EME1: variants seen among roughly 807,000 people sequenced by gnomAD.
EME1 encodes structure-specific endonuclease subunit EME1.
EME1 carries 61 observed loss-of-function variants against 59.1 expected under a neutral mutation model. That is an observed-to-expected ratio of 1.03 (90% CI 0.84 to 1.28). The LOEUF is 1.28. Among genes scored for constraint, EME1 ranks in the 50% most tolerant of loss-of-function variants. EME1 has a pLI of 0.00. For synonymous variants in EME1, 230 were observed against 254.2 expected, an observed-to-expected ratio of 0.90 and a Z score of 0.90; for missense variants, 635 against 682.6, an observed-to-expected ratio of 0.93 and a Z score of 0.78.
chr17:50,375,600 C>G lies in EME1; in HGVS notation c.392C>G (p.Ala131Gly), dbSNP rs775266280. 1.3e-6 allele frequency: 2 copies of G among 1,587,596 alleles called. No individual in the cohort carries two copies. The highest frequency in any genetic ancestry group is 1.7e-6 in the Non-Finnish European group (2 of 1,172,364). ...SVLDHQNNEG[A>G]SCDWKKPFPK... The stretch of plus-strand genomic sequence containing the variant: ...TTGGATCATCAAAATAATGAAGGTG[C>G]ATCATGTGACTGGAAAAAGCCCTTT... The change falls in exon 2 of 9, where the codon GCA becomes GGA. Residue 131 changes from alanine (A) to glycine (G), a missense_variant. Coordinates refer to ENST00000338165, the MANE Select transcript of EME1 (RefSeq NM_152463.4).
rs943833959 is a variant in EME1 at position 50,379,201 on chromosome 17, G to A, written c.1207G>A (p.Val403Ile). 4 of 1,614,064 alleles carry A rather than the reference G, an allele frequency of 2.5e-6. No individual in the cohort carries two copies. The highest frequency in any genetic ancestry group is 1.3e-5 in the African/African-American group (1 of 74,930). The change falls in exon 6 of 9, where the codon GTA becomes ATA. Residue 403 changes from valine (V) to isoleucine (I), a missense_variant. Val to Ile is a conservative substitution (Grantham distance 29). Coordinates refer to ENST00000338165, the MANE Select transcript of EME1 (RefSeq NM_152463.4). ...ACCAGAGGCCAGCATAGGGTCCATG[G>A]TATCCAGGGTAGACGCTGAAGAGGT... ...RQPEASIGSM[V>I]SRVDAEEALV... is the part of the protein sequence containing the mutation.
chr17:50,379,194 G>A lies in EME1; in HGVS notation c.1200G>A (p.Gly400=), dbSNP rs373706367. The A allele has an allele frequency of 2.4e-5, 39 of 1,614,044 alleles. No individual in the cohort carries two copies. The highest frequency in any genetic ancestry group is 3.3e-5 in the Non-Finnish European group (39 of 1,180,042). The change falls in exon 6 of 9, where the codon GGG becomes GGA. Residue 400 remains glycine, a synonymous_variant. Transcript: ENST00000338165. ...QQQRQPEASI[G]SMVSRVDAEE... is the part of the protein sequence containing the mutation. ...AGAGACAACCAGAGGCCAGCATAGG[G>A]TCCATGGTATCCAGGGTAGACGCTG...
chr17:50,376,396 A>G (rs1280137968), intron 3 of EME1, among the ~76,000 whole-genome samples: 1 of 152,246 alleles, frequency 6.6e-6, no homozygotes, highest in African/African-American at 2.4e-5. Context: ...CAGTGACAGC[A>G]TGGTACCTCA....
rs182547525 is a variant in EME1 at position 50,381,369 on chromosome 17, G to T, written c.*430G>T. 8.1e-5 allele frequency: 16 copies of T among 196,460 alleles called. No individual in the cohort carries two copies. The East Asian group carries it at 2.0e-3, about 24-fold the overall frequency. 12.2% of individuals were successfully genotyped at this position (196,460 alleles called of 1,614,324 possible). A position where few individuals can be genotyped will look rare whatever the true frequency, so the allele number is the denominator to read the frequency against. On this transcript the variant is annotated 3_prime_UTR_variant, in exon 9 of 9. Transcript: ENST00000338165. ...AGCTGCCTCAACCGGCCAAGGAACG[G>T]GATTATGATGACTATGCGGACTTCT...
At chr17:50,378,997 T>C (rs998313887) in intron 5 of EME1, 102 bp downstream of exon 5, 19 of 1,611,468 alleles carry the variant, frequency 1.2e-5, no homozygotes, top group African/African-American at 2.7e-5. Context: ...CTCTGCAAGG[T>C]AGTCCATCTC....
At chr17:50,374,607 T>G (rs995106393) in intron 1 of EME1, among the ~76,000 whole-genome samples, 1 of 152,092 alleles carries the variant, frequency 6.6e-6, no homozygotes, top group Non-Finnish European at 1.5e-5. Flanking sequence ...ATCTCAGCAC[T>G]TTGGGAGGCC....
rs749675999 is a variant in EME1 at position 50,378,764 on chromosome 17, C to G, written c.991-10C>G. The G allele has an allele frequency of 1.9e-6, 3 of 1,614,082 alleles. No individual in the cohort carries two copies. Among genetic ancestry groups the G allele is most frequent in the African/African-American group, 2.7e-5 (2 of 74,926 alleles). On this transcript the variant is annotated splice_polypyrimidine_tract_variant and intron_variant, in intron 4 of 8. Transcript: ENST00000338165. ...GCAAGTATTAATGCAGTTTCTGCCC[C>G]TTCATGCAGGGAAGCCTGGACAGCA...
At chr17:50,379,589 A>G (rs1330514336) in intron 7 of EME1, 22 bp downstream of exon 7, 1 of 1,602,816 alleles carries the variant, frequency 6.2e-7, no homozygotes, top group Admixed American at 1.7e-5. Flanking sequence ...CAGCAAGTCC[A>G]GCCTCCATGC....
At position 50,375,197 on chromosome 17, in the gene EME1, T is replaced by G; in HGVS notation, c.-12T>G. 1 of 1,609,610 alleles carries G rather than the reference T, an allele frequency of 6.2e-7. No homozygotes were observed. Among genetic ancestry groups the G allele is most frequent in the Non-Finnish European group, 8.5e-7 (1 of 1,178,396 alleles). On this transcript the variant is annotated 5_prime_UTR_variant, in exon 2 of 9. Transcript: ENST00000338165. ...CTTTTCCTTTTAGGGAATTATTTGA[T>G]AGCACATACTGATGGCTCTAAAGAA...
At chr17:50,378,000 C>T (rs559369423) in intron 3 of EME1, among the ~76,000 whole-genome samples, 8 of 151,792 alleles carry the variant, frequency 5.3e-5, no homozygotes, top group Admixed American at 1.3e-4. Context: ...TCAGGTGATC[C>T]GCCCGCCTAG....
rs1413563848 is a variant in EME1, at chr17:50,373,268, G to T, written c.-34G>T. On this transcript the variant is annotated 5_prime_UTR_variant, in exon 1 of 9. Coordinates refer to ENST00000338165, the MANE Select transcript of EME1 (RefSeq NM_152463.4). ...CGTGGCAGTTGAAAGAGTGGCGGGA[G>T]AAGTTGCAGGTGAGCGTCCCCGGTC... The T allele has an allele frequency of 4.5e-6, 7 of 1,550,118 alleles. No homozygotes were observed. The East Asian group carries it at 1.4e-4, about 31-fold the overall frequency.
chr17:50,379,139 G>T lies in EME1; in HGVS notation c.1145G>T (p.Gly382Val), dbSNP rs760803841. 5 of 1,614,084 alleles carry T rather than the reference G, an allele frequency of 3.1e-6. No homozygotes were observed. Among genetic ancestry groups the T allele is most frequent in the Non-Finnish European group, 4.2e-6 (5 of 1,180,038 alleles). Residue 382 changes from glycine to valine, a missense_variant, in exon 6 of 9, where the codon GGA (glycine) becomes GTA (valine). Coordinates refer to ENST00000338165, the MANE Select transcript of EME1 (RefSeq NM_152463.4). ...AATCCTCCAAGAAGAGGGAAACAGG[G>T]AGCAAATAAACAGACCAAGAAGCAG... ...AQNPPRRGKQGANKQTKKQQQ... is the reference protein window; with the variant it reads ...AQNPPRRGKQVANKQTKKQQQ...
Position 50,380,388 on chromosome 17 carries a change from G to A in EME1, c.1423G>A (p.Gly475Ser), listed in dbSNP as rs777715228. 6.8e-6 allele frequency: 11 copies of A among 1,614,146 alleles called. No homozygotes were observed. Among genetic ancestry groups the A allele is most frequent in the Non-Finnish European group, 7.6e-6 (9 of 1,180,018 alleles). ...WAGGVKVDLA[G>S]RGLALVWRRQ... ...TGGAGGGGTGAAGGTGGACCTTGCT[G>A]GCAGGGGACTCGCACTAGTCTGGAG... Residue 475 changes from glycine to serine, a missense_variant, in exon 8 of 9, where the codon GGC (glycine) becomes AGC (serine). Physicochemically the swap from Gly to Ser is moderately conservative, Grantham distance 56 (BLOSUM62 0). Transcript: ENST00000338165.
intron 1 of EME1, 48 bp from the exon 2 acceptor site, chr17:50,375,137 A>T: frequency 6.9e-7 from 1 of 1,446,592 alleles, no homozygotes; most frequent in Non-Finnish European, 9.5e-7. Flanking sequence ...CAGCTAGTGG[A>T]CTGAATTGAA....
chr17:50,379,532 C>T lies in EME1; in HGVS notation c.1311C>T (p.Cys437=), dbSNP rs774645173. 10 of 1,614,090 alleles carry T rather than the reference C, an allele frequency of 6.2e-6. No individual in the cohort carries two copies. The highest frequency in any genetic ancestry group is 1.3e-5 in the African/African-American group (1 of 74,938). ...GGAAAGAGCTGGCCGACTTCACATG[C>T]GCATTCACAAAGGCTGTGGCTGAGG... ...QSWKELADFT[C]AFTKAVAEAP... The change falls in exon 7 of 9, where the codon TGC becomes TGT. Residue 437 remains cysteine (C), a synonymous_variant. Coordinates refer to ENST00000338165, the MANE Select transcript of EME1 (RefSeq NM_152463.4).
chr17:50,381,143 T>C lies in EME1; in HGVS notation c.*204T>C. ...GAAATACTGCCACCTACCTTTGGCA[T>C]TTAATGTTCCTCTCCTGGCAAAAAT... On this transcript the variant is annotated 3_prime_UTR_variant, in exon 9 of 9. Coordinates refer to ENST00000338165, the MANE Select transcript of EME1 (RefSeq NM_152463.4). 2 of 611,760 alleles carry C rather than the reference T, an allele frequency of 3.3e-6. No homozygotes were observed. Among genetic ancestry groups the C allele is most frequent in the South Asian group, 2.2e-5 (1 of 44,738 alleles). The allele number at this position is 611,760 out of a possible 1,614,324, so 37.9% of individuals were successfully genotyped here.
rs758504426 is a variant in EME1, at chr17:50,376,200, G to C, written c.903+7G>C. ...AAGGGCTGGGCCGTCTGAGGTAGGA[G>C]TTTTCTGGCTGACATTTCCTCCCTC... On this transcript the variant is annotated splice_region_variant and intron_variant, in intron 3 of 8. Coordinates refer to ENST00000338165, the MANE Select transcript of EME1 (RefSeq NM_152463.4). 6.2e-7 allele frequency: 1 copy of C among 1,610,454 alleles called. No homozygotes were observed. The highest frequency in any genetic ancestry group is 1.3e-5 in the African/African-American group (1 of 74,816).
intron 1 of EME1, 90 bp from the exon 2 acceptor site, chr17:50,375,093 TTA>T: frequency 3.1e-6 from 3 of 979,966 alleles, no homozygotes; most frequent in Non-Finnish European, 4.6e-6. Context: ...TCTCTATATC[TTA>T]TATTTATGTC....
intron 6 of EME1, 97 bp downstream of exon 6, chr17:50,379,321 C>T (rs1009932516): frequency 6.3e-7 from 1 of 1,594,428 alleles, no homozygotes; most frequent in African/African-American, 1.3e-5. Flanking sequence ...GTACTGTTTT[C>T]TGCCTTGGCA....
Sources: gnomAD v4.1 joint callset for allele counts (sites outside exome capture counted in the v4.1 genomes callset) on GRCh38, gnomAD v4.1.1 for gene constraint, MANE v1.5 for transcripts, NCBI Gene and HGNC (gene_info 2026-07-23, HGNC 2026-07-21) for gene names.